The following SUMF1 variants were observed in gnomAD, a reference collection of about 807,000 sequenced individuals.
The protein encoded by SUMF1 is formylglycine-generating enzyme.
Under a neutral mutation model 47.6 loss-of-function variants are expected in SUMF1, and 48 were observed. The observed-to-expected ratio is 1.01, with a 90% CI of 0.80 to 1.28. SUMF1 has a LOEUF of 1.28. SUMF1 is among the 50% of genes most tolerant of loss of function. The probability of loss-of-function intolerance (pLI) is 0.00; values close to 1 mark genes in which losing one functional copy is unlikely to be tolerated. For missense variants in SUMF1, 571 were observed against 485.4 expected, an observed-to-expected ratio of 1.18 and a Z score of -1.66; for synonymous variants, 230 against 192.1, an observed-to-expected ratio of 1.20 and a Z score of -1.63.
At chr3:4,117,552 G>A (rs1693449297) in intron 8 of SUMF1, among the ~76,000 whole-genome samples, 1 of 151,966 alleles carries the variant, frequency 6.6e-6, no homozygotes. Flanking sequence ...ACAGAGGCCT[G>A]GGCTTAGAGT....
intron 8 of SUMF1, among the ~76,000 whole-genome samples, chr3:4,262,741 C>G (rs761665022): frequency 8.5e-5 from 13 of 152,160 alleles, no homozygotes; most frequent in Non-Finnish European, 1.6e-4. Flanking sequence ...ACCACATGCC[C>G]TAAACCAATC....
At chr3:4,390,945 T>G (rs570074653) in intron 7 of SUMF1, among the ~76,000 whole-genome samples, 115 of 152,304 alleles carry the variant, frequency 7.6e-4, no homozygotes, top group Non-Finnish European at 1.4e-3. Context: ...AATAGAAAAA[T>G]GTACATCTAC....
intron 8 of SUMF1, among the ~76,000 whole-genome samples, chr3:4,243,134 C>G (rs369718936): frequency 2.6e-5 from 4 of 152,096 alleles, no homozygotes; most frequent in East Asian, 1.9e-4. Context: ...TTTATTGCGT[C>G]TATTTGATTC....
intron 7 of SUMF1, 25 bp downstream of exon 7, chr3:4,410,840 C>T: frequency 1.2e-6 from 2 of 1,604,690 alleles, no homozygotes; most frequent in Non-Finnish European, 1.7e-6. Context: ...CATTCCAAGA[C>T]ACATGCTCTG....
intron 8 of SUMF1, among the ~76,000 whole-genome samples, chr3:4,082,373 T>G (rs976045064): frequency 6.6e-6 from 1 of 151,828 alleles, no homozygotes; most frequent in African/African-American, 2.4e-5. Flanking sequence ...AGAGGCTGAA[T>G]TGGGAGAATC....
At chr3:4,405,936 G>A (rs794182) in intron 7 of SUMF1, among the ~76,000 whole-genome samples, 36,177 of 152,118 alleles carry the variant, frequency 0.24, 5,641 homozygotes, top group Non-Finnish European at 0.34. Context: ...TGGAGAGAAT[G>A]AGTATGTGAT....
chr3:4,214,859 C>A (rs1695883011), intron 8 of SUMF1, among the ~76,000 whole-genome samples: 2 of 152,110 alleles, frequency 1.3e-5, no homozygotes, highest in Non-Finnish European at 2.9e-5. Context: ...GACATCAAAT[C>A]CCTGAATAGA....
intron 8 of SUMF1, among the ~76,000 whole-genome samples, chr3:4,119,171 G>C (rs978542236): frequency 3.3e-5 from 5 of 152,094 alleles, no homozygotes; most frequent in Non-Finnish European, 7.3e-5. Context: ...ATTAGAAAGA[G>C]CTAAAAGTCC....
chr3:4,105,379 A>T (rs867271224), intron 8 of SUMF1, among the ~76,000 whole-genome samples: 6 of 152,180 alleles, frequency 3.9e-5, no homozygotes, highest in Admixed American at 3.3e-4. Flanking sequence ...ATTTTCCTCA[A>T]TTACAAAACT....
chr3:4,399,811 G>A (rs1252105399), intron 7 of SUMF1, among the ~76,000 whole-genome samples: 4 of 152,246 alleles, frequency 2.6e-5, no homozygotes, highest in South Asian at 4.1e-4. Context: ...AGCCTGAAGT[G>A]CAGTAGCGCG....
chr3:4,395,001 T>C (rs1700996114), intron 7 of SUMF1, among the ~76,000 whole-genome samples: 1 of 152,222 alleles, frequency 6.6e-6, no homozygotes, highest in South Asian at 2.1e-4. Flanking sequence ...GACGTCTCTG[T>C]TAATTACCAT....
intron 3 of SUMF1, among the ~76,000 whole-genome samples, chr3:4,435,467 T>C (rs1222230804): frequency 6.6e-6 from 1 of 151,958 alleles, no homozygotes; most frequent in African/African-American, 2.4e-5. Flanking sequence ...AGAGGAGAGA[T>C]TGGTGTTTAA....
intron 8 of SUMF1, among the ~76,000 whole-genome samples, chr3:4,072,335 C>T (rs759658374): frequency 6.6e-6 from 1 of 152,132 alleles, no homozygotes; most frequent in Non-Finnish European, 1.5e-5. Context: ...AGGTCACCAA[C>T]ATCAAAGACC....
chr3:4,151,486 TATATATAC>T (rs1197917694), intron 8 of SUMF1, among the ~76,000 whole-genome samples: 4 of 146,248 alleles, frequency 2.7e-5, no homozygotes, highest in Admixed American at 1.4e-4. Flanking sequence ...TATATATGTG[TATATATAC>T]GTATATATGT....
chr3:4,344,297 C>G (rs114640574), intron 8 of SUMF1, among the ~76,000 whole-genome samples: 7 of 152,156 alleles, frequency 4.6e-5, no homozygotes, highest in African/African-American at 1.7e-4. Context: ...GGTCAGTGCC[C>G]CTCGAGGGCA....
In SUMF1 at chr3:4,216,199, A is replaced by G. The variant is rs1199941241; in HGVS notation, c.1015-147454T>C. 3.9e-5 allele frequency among the ~76,000 whole-genome samples: 6 copies of G among 152,232 alleles called. No homozygotes were observed. In the East Asian group the frequency reaches 1.2e-3, roughly 29 times the overall value. On this transcript the variant is annotated intron_variant and NMD_transcript_variant, in intron 8 of 12. Coordinates refer to the SUMF1 transcript ENST00000448413. ...TACTGGTATCAAAACAGACATATAG[A>G]TCAATGGAACAGAACAGAGGCCTCA...
intron 2 of SUMF1, 46 bp downstream of exon 2, chr3:4,452,830 G>C (rs1443558249): frequency 6.2e-7 from 1 of 1,610,970 alleles, no homozygotes; most frequent in Non-Finnish European, 8.5e-7. Flanking sequence ...ATTCTTAAAA[G>C]TTCTGGAAAA....
chr3:4,285,156 T>A (rs1475264662), intron 8 of SUMF1, among the ~76,000 whole-genome samples: 5 of 152,196 alleles, frequency 3.3e-5, no homozygotes. Flanking sequence ...ATTATAATTA[T>A]AATAGGCATA....
At chr3:4,316,545 A>G (rs1698657596) in intron 8 of SUMF1, 1 of 1,561,318 alleles carries the variant, frequency 6.4e-7, no homozygotes, top group Non-Finnish European at 8.7e-7. Flanking sequence ...GCAAATTGGA[A>G]AGGTGAAAAA....
Sources: gnomAD v4.1 joint callset for allele counts (sites outside exome capture counted in the v4.1 genomes callset) on GRCh38, gnomAD v4.1.1 for gene constraint, MANE v1.5 for transcripts, NCBI Gene and HGNC (gene_info 2026-07-23, HGNC 2026-07-21) for gene names.